Variants in NALF1 observed in about 807,000 individuals in gnomAD.
NALF1 encodes the protein family with sequence similarity 155 member A.
A neutral mutation model predicts 48.4 loss-of-function variants in NALF1; 3 were observed. The observed-to-expected ratio is 0.06, with a 90% confidence interval of 0.03 to 0.16. The LOEUF is 0.16. NALF1 is among the 10% of genes least tolerant of loss of function. The probability of loss-of-function intolerance (pLI) is 1.00; values close to 1 mark genes in which losing one functional copy is unlikely to be tolerated. For synonymous variants in NALF1, 262 were observed against 245.7 expected (o/e 1.07, Z -0.62); for missense variants, 526 against 571.5 (o/e 0.92, Z 0.81).
At chr13:107,502,511 A>T (rs934292640) in intron 1 of NALF1, among the ~76,000 whole-genome samples, 2 of 152,174 alleles carry the variant, frequency 1.3e-5, no homozygotes, top group Non-Finnish European at 2.9e-5. Flanking sequence ...ATATACCTCC[A>T]TGGAAACCAC....
At chr13:107,327,900 T>A (rs1882394044) in intron 1 of NALF1, among the ~76,000 whole-genome samples, 2 of 151,984 alleles carry the variant, frequency 1.3e-5, no homozygotes, top group Non-Finnish European at 2.9e-5. Context: ...ATCCTTCAGA[T>A]CTCAGCTTAA....
chr13:107,611,656 G>A (rs1175994211), intron 1 of NALF1, among the ~76,000 whole-genome samples: 1 of 152,076 alleles, frequency 6.6e-6, no homozygotes, highest in Non-Finnish European at 1.5e-5. Context: ...AGAGGTGGGA[G>A]GATTGCTTGA....
At chr13:107,859,012 T>A (rs1880502911) in intron 1 of NALF1, among the ~76,000 whole-genome samples, 1 of 152,144 alleles carries the variant, frequency 6.6e-6, no homozygotes, top group African/African-American at 2.4e-5. Context: ...AAGAAAGAGA[T>A]CAATCTTTTT....
At chr13:107,690,456 T>C (rs1195753522) in intron 1 of NALF1, among the ~76,000 whole-genome samples, 3 of 152,276 alleles carry the variant, frequency 2.0e-5, no homozygotes, top group South Asian at 4.2e-4. Context: ...AATGATAGAT[T>C]TTACGTTTGT....
At chr13:107,623,552 T>C (rs1054617023) in intron 1 of NALF1, among the ~76,000 whole-genome samples, 1 of 152,158 alleles carries the variant, frequency 6.6e-6, no homozygotes, top group African/African-American at 2.4e-5. Context: ...AAGTCTTATA[T>C]GAAATATAAG....
chr13:107,737,944 AAC>A (rs1876516011), intron 1 of NALF1, among the ~76,000 whole-genome samples: 1 of 152,222 alleles, frequency 6.6e-6, no homozygotes, highest in Non-Finnish European at 1.5e-5. Flanking sequence ...TCACTTGGAA[AAC>A]ACATATTTTT....
rs1031896453 is a variant in NALF1 at position 107,168,433 on chromosome 13, A to G, written c.*2064T>C. The stretch of plus-strand genomic sequence containing the variant: ...GAAAAGCACCATGTTTCCATACACT[A>G]AAATATGATGCCTATGTGTATGTAT... On this transcript the variant is annotated 3_prime_UTR_variant, in exon 3 of 3. Coordinates refer to ENST00000375915, the MANE Select transcript of NALF1 (RefSeq NM_001080396.3). The G allele has an allele frequency of 2.6e-5, 4 of 152,356 alleles. No homozygotes were observed. Among genetic ancestry groups the G allele is most frequent in the Non-Finnish European group, 5.9e-5 (4 of 68,040 alleles). 9.4% of individuals were successfully genotyped at this position (152,356 alleles called of 1,614,324 possible).
intron 1 of NALF1, among the ~76,000 whole-genome samples, chr13:107,291,028 G>A (rs1044658147): frequency 6.6e-6 from 1 of 151,302 alleles, no homozygotes; most frequent in African/African-American, 2.4e-5. Context: ...CTCTTAGTTG[G>A]CTAAAGCCTA....
chr13:107,569,450 C>A (rs926344918), intron 1 of NALF1, among the ~76,000 whole-genome samples: 2 of 151,374 alleles, frequency 1.3e-5, no homozygotes, highest in African/African-American at 2.4e-5. Context: ...CCAGCCTGGG[C>A]GACACAGCGA....
At chr13:107,210,009 C>T (rs1214323480) in intron 2 of NALF1, among the ~76,000 whole-genome samples, 7 of 152,080 alleles carry the variant, frequency 4.6e-5, no homozygotes, top group Admixed American at 3.9e-4. Flanking sequence ...CCCAGTCTGA[C>T]TCATTTGCTG....
At chr13:107,733,484 A>G (rs1876373262) in intron 1 of NALF1, among the ~76,000 whole-genome samples, 1 of 152,208 alleles carries the variant, frequency 6.6e-6, no homozygotes, top group African/African-American at 2.4e-5. Context: ...CATATGGAAG[A>G]TTTCAACAGC....
rs199741425 is a variant in NALF1 at position 107,739,437 on chromosome 13, ATAT to A, written c.915+126242_915+126244del. On this transcript the variant is annotated intron_variant, in intron 1 of 2. Coordinates refer to ENST00000375915, the MANE Select transcript of NALF1 (RefSeq NM_001080396.3). ...TCATATATAACATATAAAATATATA[ATAT>A]TATATATTATATACATGTGTATATA... 0.026 allele frequency among the ~76,000 whole-genome samples: 3,807 copies of A among 148,128 alleles called. 274 individuals are homozygous for A. The East Asian group carries it at 0.28, about 11-fold the overall frequency.
intron 1 of NALF1, among the ~76,000 whole-genome samples, chr13:107,303,034 G>A (rs1881867729): frequency 6.6e-6 from 1 of 152,254 alleles, no homozygotes; most frequent in South Asian, 2.1e-4. Context: ...GTCCATACTT[G>A]TCACCTTCTA....
At position 107,163,966 on chromosome 13, in the gene NALF1, A is replaced by G. The variant is rs1450177002; in HGVS notation, c.*6531T>C. The G allele has an allele frequency of 6.6e-6, 1 of 152,194 alleles. No individual in the cohort carries two copies. Among genetic ancestry groups the G allele is most frequent in the Non-Finnish European group, 1.5e-5 (1 of 68,026 alleles). The allele number at this position is 152,194 out of a possible 1,614,324, so 9.4% of individuals were successfully genotyped here. A position where few individuals can be genotyped will look rare whatever the true frequency, so the allele number is the denominator to read the frequency against. ...AGCTTTAACTTTTGCTGTAGTTTAT[A>G]TTTCCTATTGTTTTATCCATTTTGC... On this transcript the variant is annotated 3_prime_UTR_variant, in exon 3 of 3. Coordinates refer to ENST00000375915, the MANE Select transcript of NALF1 (RefSeq NM_001080396.3).
intron 1 of NALF1, among the ~76,000 whole-genome samples, chr13:107,378,393 C>CAT (rs34354646): frequency 0.031 from 4,582 of 148,550 alleles, 77 homozygotes; most frequent in South Asian, 0.059. Flanking sequence ...TTTGGAGAGA[C>CAT]ATATATATAT....
intron 1 of NALF1, among the ~76,000 whole-genome samples, chr13:107,661,141 T>C (rs142362668): frequency 1.3e-5 from 2 of 152,298 alleles, no homozygotes; most frequent in African/African-American, 4.8e-5. Flanking sequence ...CTAGGAACTT[T>C]CAAAAAACAT....
At chr13:107,390,877 TTAATAATAATAA>T (rs71121527) in intron 1 of NALF1, among the ~76,000 whole-genome samples, 2 of 147,222 alleles carry the variant, frequency 1.4e-5, no homozygotes, top group South Asian at 4.3e-4. Context: ...AGCCAGAAGG[TTAATAATAATAA>T]TAATAATAAT....
At position 107,865,871 on chromosome 13, in the gene NALF1, G is replaced by A; in HGVS notation, c.726C>T (p.Asn242=). ...WELFSGLSSP[N]TLNCSLDVVL... ...CCACATCCAGACTGCAGTTCAAAGTGTTGGGACTGGACAACCCCGAGAACA... is the reference window on the plus strand; with the variant it reads ...CCACATCCAGACTGCAGTTCAAAGTATTGGGACTGGACAACCCCGAGAACA... Residue 242 remains asparagine, a synonymous_variant, in exon 1 of 3, where the codon AAC becomes AAT. Transcript: ENST00000375915. The A allele has an allele frequency of 6.2e-7, 1 of 1,614,122 alleles. No homozygotes were observed. Among genetic ancestry groups the A allele is most frequent in the Non-Finnish European group, 8.5e-7 (1 of 1,180,044 alleles).
At chr13:107,825,066 G>A (rs1195376250) in intron 1 of NALF1, among the ~76,000 whole-genome samples, 2 of 152,082 alleles carry the variant, frequency 1.3e-5, no homozygotes, top group East Asian at 1.9e-4. Context: ...GAAAGGAAAG[G>A]CAACACTACT....
Sources: allele counts gnomAD v4.1 joint callset (sites outside exome capture counted in the v4.1 genomes callset), GRCh38; gene constraint gnomAD v4.1.1; transcripts MANE v1.5; gene names NCBI Gene and HGNC (gene_info 2026-07-23, HGNC 2026-07-21).